DLC1: variants seen among roughly 807,000 people sequenced by gnomAD.
The protein encoded by DLC1 is rho GTPase-activating protein 7.
In DLC1, 54 loss-of-function variants were observed where a neutral mutation model predicts 140.3. That is an observed-to-expected ratio of 0.38 (90% CI 0.31 to 0.48). The LOEUF is 0.48. DLC1 is among the 20% of genes least tolerant of loss of function. The pLI is 0.96. For missense variants in DLC1, 2,536 were observed against 1,907.0 expected (o/e 1.33, Z -6.14); for synonymous variants, 986 against 728.1 (o/e 1.35, Z -5.70).
intron 5 of DLC1, among the ~76,000 whole-genome samples, chr8:13,127,381 G>C (rs560876956): frequency 1.3e-5 from 2 of 152,280 alleles, no homozygotes; most frequent in African/African-American, 4.8e-5. Flanking sequence ...GTCGGGAAAA[G>C]GCACTGGTTT....
intron 2 of DLC1, among the ~76,000 whole-genome samples, chr8:13,428,752 G>A (rs1238303455): frequency 6.6e-6 from 1 of 152,124 alleles, no homozygotes; most frequent in African/African-American, 2.4e-5. Context: ...ATGGGATATG[G>A]TGGAACTACA....
At chr8:13,299,271 C>A (rs1225784259) in intron 5 of DLC1, among the ~76,000 whole-genome samples, 1 of 151,586 alleles carries the variant, frequency 6.6e-6, no homozygotes, top group African/African-American at 2.4e-5. Flanking sequence ...AGTGAAACCC[C>A]ATCTCTACTA....
chr8:13,233,966 C>T (rs1055173623), intron 5 of DLC1, among the ~76,000 whole-genome samples: 12 of 152,150 alleles, frequency 7.9e-5, no homozygotes, highest in African/African-American at 2.7e-4. Context: ...CATTCACGAG[C>T]TACAAGAAGC....
chr8:13,102,259 G>T (rs1232160884), intron 8 of DLC1, among the ~76,000 whole-genome samples: 1 of 152,154 alleles, frequency 6.6e-6, no homozygotes, highest in Non-Finnish European at 1.5e-5. Flanking sequence ...ATACCATCCA[G>T]CTCGGTTGTG....
intron 4 of DLC1, among the ~76,000 whole-genome samples, chr8:13,347,908 T>G (rs1834431695): frequency 1.3e-5 from 2 of 152,098 alleles, no homozygotes; most frequent in East Asian, 3.9e-4. Context: ...GCTAACACAG[T>G]GAAACCCCAT....
chr8:13,390,744 T>C (rs960052166), intron 4 of DLC1, among the ~76,000 whole-genome samples: 2 of 152,052 alleles, frequency 1.3e-5, no homozygotes, highest in Admixed American at 6.6e-5. Flanking sequence ...TCCCAGCACT[T>C]TGGGAGGCCG....
At chr8:13,500,818 A>G (rs1223004958) in intron 1 of DLC1, among the ~76,000 whole-genome samples, 1 of 7,028 alleles carries the variant, frequency 1.4e-4, no homozygotes, top group African/African-American at 1.6e-4. Flanking sequence ...CATAACACAT[A>G]CCATTTACAA....
rs373697154 is a variant in DLC1 at position 13,099,592 on chromosome 8, C to T, written c.2745G>A (p.Gly915=). The T allele has an allele frequency of 1.1e-5, 17 of 1,614,238 alleles. No individual in the cohort carries two copies. Among genetic ancestry groups the T allele is most frequent in the East Asian group, 2.2e-5 (1 of 44,880 alleles). The change falls in exon 9 of 18, where the codon GGG becomes GGA. Residue 915 remains glycine (G), a synonymous_variant. Coordinates refer to ENST00000276297, the MANE Select transcript of DLC1 (RefSeq NM_182643.3). ...ELDDILYHVK[G]MQRIVNQWSE... ...ACCACTGATTGACTATCCGCTGCAT[C>T]CCCTTCACGTGGTAGAGGATGTCGT...
At chr8:13,412,441 T>A in intron 2 of DLC1, among the ~76,000 whole-genome samples, 1 of 152,174 alleles carries the variant, frequency 6.6e-6, no homozygotes, top group East Asian at 1.9e-4. Flanking sequence ...AAAGACAGTA[T>A]AATCAATACT....
chr8:13,312,437 C>A lies in DLC1; in HGVS notation c.1315-7135G>T, dbSNP rs1586116229. Among the ~76,000 whole-genome samples the A allele has an allele frequency of 4.7e-5, 7 of 149,304 alleles. 1 individual carries two copies. The highest frequency in any genetic ancestry group is 2.7e-4 in the Admixed American group (4 of 15,022). On this transcript the variant is annotated intron_variant, in intron 4 of 17. Transcript: ENST00000276297. ...AACAGAAAGAGCCCCATGACTGGGC[C>A]ACATTAACTTAACTCTTCTCTGTCT...
intron 1 of DLC1, among the ~76,000 whole-genome samples, chr8:13,534,654 A>G (rs17094493): frequency 0.039 from 5,862 of 152,212 alleles, 382 homozygotes; most frequent in African/African-American, 0.13. Context: ...CTGACCAGGC[A>G]CTGAAAATTC....
At chr8:13,498,016 T>C (rs1398665951) in intron 2 of DLC1, among the ~76,000 whole-genome samples, 1 of 152,178 alleles carries the variant, frequency 6.6e-6, no homozygotes, top group Non-Finnish European at 1.5e-5. Flanking sequence ...GATTTTTTTT[T>C]CTCTCTCATG....
intron 1 of DLC1, among the ~76,000 whole-genome samples, chr8:13,575,732 G>A (rs1804815068): frequency 6.6e-6 from 1 of 152,182 alleles, no homozygotes; most frequent in Admixed American, 6.5e-5. Flanking sequence ...ACCTGAAACT[G>A]GTAAGGGCAG....
At chr8:13,095,678 T>A (rs1458802606) in intron 10 of DLC1, 1 of 172,284 alleles carries the variant, frequency 5.8e-6, no homozygotes, top group African/African-American at 2.4e-5. Flanking sequence ...GAAAACAACA[T>A]GTAATACCCT....
At chr8:13,416,118 A>G (rs955234084) in intron 2 of DLC1, among the ~76,000 whole-genome samples, 1 of 152,180 alleles carries the variant, frequency 6.6e-6, no homozygotes, top group Non-Finnish European at 1.5e-5. Flanking sequence ...GTACCCATGT[A>G]CCCTGATGCT....
At chr8:13,097,540 AG>A (rs781557094) in intron 10 of DLC1, among the ~76,000 whole-genome samples, 189 of 152,300 alleles carry the variant, frequency 1.2e-3, no homozygotes, top group Non-Finnish European at 2.4e-3. Flanking sequence ...CTGGGATTAC[AG>A]GCATGAGCCA....
chr8:13,224,805 C>T (rs1272856880), intron 5 of DLC1, among the ~76,000 whole-genome samples: 1 of 152,164 alleles, frequency 6.6e-6, no homozygotes, highest in Non-Finnish European at 1.5e-5. Context: ...TGCTTCTTCA[C>T]TGTAGTTACT....
At chr8:13,141,456 A>G (rs1304557769) in intron 5 of DLC1, among the ~76,000 whole-genome samples, 4 of 152,150 alleles carry the variant, frequency 2.6e-5, no homozygotes, top group African/African-American at 9.7e-5. Context: ...GTACAATGCT[A>G]AGATGGCTAT....
At chr8:13,488,618 G>A (rs1334417793) in intron 2 of DLC1, among the ~76,000 whole-genome samples, 1 of 152,270 alleles carries the variant, frequency 6.6e-6, no homozygotes. Flanking sequence ...CCAGCTGAGC[G>A]AAGACTTTTC....
Sources: gnomAD v4.1 joint callset for allele counts (sites outside exome capture counted in the v4.1 genomes callset) on GRCh38, gnomAD v4.1.1 for gene constraint, MANE v1.5 for transcripts, NCBI Gene and HGNC (gene_info 2026-07-23, HGNC 2026-07-21) for gene names.